Variants in RHOG observed in about 807,000 individuals in gnomAD.
The protein encoded by RHOG is ras homolog family member G, also known as rho-related GTP-binding protein RhoG.
RHOG carries 1 observed loss-of-function variant against 12.3 expected under a neutral mutation model. The ratio of observed to expected loss-of-function variants is 0.08; its 90% CI spans 0.03 to 0.39. RHOG has a LOEUF of 0.39. Among genes scored for constraint, RHOG ranks in the 10% least tolerant of loss-of-function variants. The probability of loss-of-function intolerance (pLI) is 0.99; values close to 1 mark genes in which losing one functional copy is unlikely to be tolerated. For missense variants in RHOG, 114 were observed against 266.2 expected (o/e 0.43, Z 3.98); for synonymous variants, 129 against 116.0 (o/e 1.11, Z -0.72).
rs760698096 is a variant in RHOG at position 3,827,522 on chromosome 11, T to G, written c.*41A>C. On this transcript the variant is annotated 3_prime_UTR_variant, in exon 2 of 2. Coordinates refer to ENST00000351018, the MANE Select transcript of RHOG (RefSeq NM_001665.4). The surrounding 1 kb of genome is among the most constrained non-coding windows in gnomAD (Gnocchi z 7.3). ...GGACAAGGCACCAAGGCACAACTGG[T>G]GGGGGGAGGGCAGGGGCAGCCTCCA... 2 of 1,526,588 alleles carry G rather than the reference T, an allele frequency of 1.3e-6. No individual in the cohort carries two copies. Among genetic ancestry groups the G allele is most frequent in the East Asian group, 2.3e-5 (1 of 44,036 alleles). The allele number at this position is 1,526,588 out of a possible 1,614,324, so 94.6% of individuals were successfully genotyped here.
chr11:3,833,055 CA>C (rs545167237), intron 1 of RHOG, among the ~76,000 whole-genome samples: 252 of 140,450 alleles, frequency 1.8e-3, no homozygotes, highest in African/African-American at 2.8e-3. Context: ...CCCCATGTCT[CA>C]AAAAAAAAAA....
intron 1 of RHOG, among the ~76,000 whole-genome samples, chr11:3,828,808 G>A (rs1046978851): frequency 4.0e-5 from 6 of 151,556 alleles, no homozygotes; most frequent in Non-Finnish European, 8.8e-5. Context: ...TTTTAGTAGA[G>A]ATGGGGTTTC....
In RHOG at chr11:3,828,115, C is replaced by A. The variant is rs1054186579; in HGVS notation, c.24G>T (p.Val8=). Residue 8 remains valine, a synonymous_variant, in exon 2 of 2, where the codon GTG becomes GTT. Transcript: ENST00000351018. MQSIKCV[V]VGDGAVGKTC... Reference sequence around the variant, plus strand: ...TCTTGCCCACAGCCCCATCACCCACCACCACGCACTTGATGCTCTGCATCG... The same window carrying A: ...TCTTGCCCACAGCCCCATCACCCACAACCACGCACTTGATGCTCTGCATCG... The A allele has an allele frequency of 4.3e-6, 7 of 1,613,736 alleles. No homozygotes were observed. In the Admixed American group the frequency reaches 5.0e-5, roughly 12 times the overall value.
intron 1 of RHOG, among the ~76,000 whole-genome samples, chr11:3,833,509 C>CA (rs565414976): frequency 7.0e-4 from 107 of 152,290 alleles, no homozygotes; most frequent in African/African-American, 2.6e-3. Flanking sequence ...TACTGGCATT[C>CA]AGAGTTCTTC....
chr11:3,837,395 C>T (rs1449607251), intron 1 of RHOG, among the ~76,000 whole-genome samples: 1 of 152,070 alleles, frequency 6.6e-6, no homozygotes, highest in Non-Finnish European at 1.5e-5. Context: ...AGTCCTTGTG[C>T]TTGGGGAAAG....
intron 1 of RHOG, among the ~76,000 whole-genome samples, chr11:3,836,221 T>C (rs1030012340): frequency 2.0e-5 from 3 of 150,832 alleles, no homozygotes; most frequent in African/African-American, 4.9e-5. Flanking sequence ...GGCGTAGTGG[T>C]GGGATTACGC....
chr11:3,836,591 T>C (rs10835178), intron 1 of RHOG, among the ~76,000 whole-genome samples: 87,306 of 151,342 alleles, frequency 0.58, 25,851 homozygotes, highest in Non-Finnish European at 0.65. Context: ...CCCAGCACCC[T>C]AAGTGTTCCA....
At position 3,831,067 on chromosome 11, in the gene RHOG, C is replaced by T. The variant is rs148083795; in HGVS notation, c.-68-2861G>A. On this transcript the variant is annotated intron_variant, in intron 1 of 1. Coordinates refer to ENST00000351018, the MANE Select transcript of RHOG (RefSeq NM_001665.4). ...ATCCCTGAGTATTCCTTATCCCTGG[C>T]TCCACCCAAGCACCATCAACACTAG... 1.4e-3 allele frequency among the ~76,000 whole-genome samples: 210 copies of T among 152,260 alleles called. 7 individuals carry two copies. In the East Asian group the frequency reaches 0.029, roughly 21 times the overall value.
chr11:3,839,651 G>T (rs1052831297), intron 1 of RHOG, among the ~76,000 whole-genome samples: 1 of 148,006 alleles, frequency 6.8e-6, no homozygotes. Context: ...TCTTTAATCC[G>T]TCTCTATCAC....
intron 1 of RHOG, among the ~76,000 whole-genome samples, chr11:3,831,157 C>G (rs1327040186): frequency 6.6e-6 from 1 of 152,140 alleles, no homozygotes; most frequent in East Asian, 1.9e-4. Context: ...CCCCTTACCC[C>G]CCCAGCCTGG....
rs112483411 is a variant in RHOG at position 3,839,602 on chromosome 11, AACAC to A, written c.-69+1288_-69+1291del. Among the ~76,000 whole-genome samples the A allele has an allele frequency of 1.2e-3, 174 of 141,634 alleles. 1 individual carries two copies. The highest frequency in any genetic ancestry group is 1.8e-3 in the African/African-American group (68 of 38,190). 92.9% of individuals were successfully genotyped at this position (141,634 alleles called of 152,430 possible). The stretch of plus-strand genomic sequence containing the variant: ...ACACGCGCGTGCGAACACACACGCA[AACAC>A]ACACACACACACACACACACACAGG... On this transcript the variant is annotated intron_variant, in intron 1 of 1. Transcript: ENST00000351018.
At chr11:3,831,110 A>T (rs1335418928) in intron 1 of RHOG, among the ~76,000 whole-genome samples, 1 of 151,306 alleles carries the variant, frequency 6.6e-6, no homozygotes, top group East Asian at 1.9e-4. Flanking sequence ...TCTCCATTTC[A>T]CTTGCTATAC....
Position 3,828,246 on chromosome 11 carries a change from C to A in RHOG, c.-68-40G>T, listed in dbSNP as rs576039821. The A allele has an allele frequency of 9.9e-5, 102 of 1,027,004 alleles. No individual in the cohort carries two copies. The South Asian group carries it at 1.3e-3, about 13-fold the overall frequency. 63.6% of individuals were successfully genotyped at this position (1,027,004 alleles called of 1,614,324 possible). On this transcript the variant is annotated intron_variant, in intron 1 of 1. Coordinates refer to ENST00000351018, the MANE Select transcript of RHOG (RefSeq NM_001665.4). Reference sequence around the variant, plus strand: ...AAGGGGACATTCTTGGTTAGGGAGGCCTCTGCCTATTGGGAAGAAAAGATG... The same window carrying A: ...AAGGGGACATTCTTGGTTAGGGAGGACTCTGCCTATTGGGAAGAAAAGATG...
intron 1 of RHOG, among the ~76,000 whole-genome samples, chr11:3,838,719 TTC>T (rs1406174337): frequency 6.6e-6 from 1 of 152,136 alleles, no homozygotes; most frequent in Non-Finnish European, 1.5e-5. Flanking sequence ...TCCCCTCTAC[TTC>T]TCTTTTTTTC....
Position 3,827,499 on chromosome 11 carries a change from ACAAGGCAC to A in RHOG, c.*56_*63del, listed in dbSNP as rs1192035907. The A allele has an allele frequency of 7.3e-7, 1 of 1,375,448 alleles. No individual in the cohort carries two copies. The highest frequency in any genetic ancestry group is 1.4e-5 in the African/African-American group (1 of 70,748). The allele number at this position is 1,375,448 out of a possible 1,614,324, so 85.2% of individuals were successfully genotyped here. A position where few individuals can be genotyped will look rare whatever the true frequency, so the allele number is the denominator to read the frequency against. ...AGTCCTTAAGGCACAGCTGAGGCGG[ACAAGGCAC>A]CAAGGCACAACTGGTGGGGGGAGGG... On this transcript the variant is annotated 3_prime_UTR_variant, in exon 2 of 2. Coordinates refer to ENST00000351018, the MANE Select transcript of RHOG (RefSeq NM_001665.4). This position sits in a 1 kb window ranked among gnomAD's most constrained non-coding sequence, Gnocchi z 7.3.
intron 1 of RHOG, among the ~76,000 whole-genome samples, chr11:3,837,266 C>T (rs1279917484): frequency 6.6e-6 from 1 of 152,166 alleles, no homozygotes. Context: ...GAAACTCCGG[C>T]ATCTATTTTC....
At chr11:3,828,978 T>A (rs1003943067) in intron 1 of RHOG, among the ~76,000 whole-genome samples, 1 of 151,896 alleles carries the variant, frequency 6.6e-6, no homozygotes, top group African/African-American at 2.4e-5. Flanking sequence ...TGCACAAATT[T>A]AGGGATCTAC....
intron 1 of RHOG, 78 bp from the exon 2 acceptor site, chr11:3,828,284 G>A (rs948357339): frequency 5.8e-6 from 4 of 689,972 alleles, no homozygotes; most frequent in African/African-American, 3.6e-5. Context: ...GGCACACAAA[G>A]GGAAACCGGC....
intron 1 of RHOG, among the ~76,000 whole-genome samples, chr11:3,840,322 C>G (rs2090183333): frequency 6.6e-6 from 1 of 152,084 alleles, no homozygotes. Flanking sequence ...CGACTGGGGT[C>G]GGCGGGGCTC....
Sources: allele counts gnomAD v4.1 joint callset (sites outside exome capture counted in the v4.1 genomes callset), GRCh38; gene constraint gnomAD v4.1.1; non-coding constraint Gnocchi (gnomAD v3.1); transcripts MANE v1.5; gene names NCBI Gene and HGNC (gene_info 2026-07-23, HGNC 2026-07-21).